CDH12: variants seen among roughly 807,000 people sequenced by gnomAD.
The protein encoded by CDH12 is cadherin-12.
In CDH12, 41 loss-of-function variants were observed where a neutral mutation model predicts 74.1. That is an observed-to-expected ratio of 0.55 (90% CI 0.43 to 0.72). The LOEUF (loss-of-function observed/expected upper bound fraction) is 0.72, where lower values mean the gene tolerates loss of function less well. Among genes scored for constraint, CDH12 ranks in the 30% least tolerant of loss-of-function variants. The pLI is 0.00. For missense variants in CDH12, 945 were observed against 977.2 expected (o/e 0.97, Z 0.44); for synonymous variants, 399 against 355.0 (o/e 1.12, Z -1.39).
chr5:22,199,008 G>A (rs1431287737), intron 4 of CDH12, among the ~76,000 whole-genome samples: 1 of 152,006 alleles, frequency 6.6e-6, no homozygotes, highest in Non-Finnish European at 1.5e-5. Context: ...AAACTACAAT[G>A]TGTTCAAAAG....
chr5:22,678,044 T>TA (rs140824231), intron 1 of CDH12, among the ~76,000 whole-genome samples: 2 of 135,134 alleles, frequency 1.5e-5, no homozygotes, highest in Non-Finnish European at 3.2e-5. Flanking sequence ...ACCATCCTCA[T>TA]GGGGGGGGGG....
At chr5:22,538,050 T>C (rs1737936396) in intron 1 of CDH12, among the ~76,000 whole-genome samples, 1 of 152,158 alleles carries the variant, frequency 6.6e-6, no homozygotes, top group Non-Finnish European at 1.5e-5. Flanking sequence ...CTTTCCCACT[T>C]TCCTCCCTCA....
intron 2 of CDH12, among the ~76,000 whole-genome samples, chr5:22,461,308 G>C (rs565116986): frequency 6.6e-6 from 1 of 151,940 alleles, no homozygotes; most frequent in South Asian, 2.1e-4. Flanking sequence ...GCAGGCCTGA[G>C]GCACCGTACC....
At chr5:22,099,009 C>A (rs1470150497) in intron 4 of CDH12, among the ~76,000 whole-genome samples, 2 of 152,146 alleles carry the variant, frequency 1.3e-5, no homozygotes, top group African/African-American at 4.8e-5. Flanking sequence ...ATTCAGGCCC[C>A]CTCCCTTCCC....
intron 1 of CDH12, among the ~76,000 whole-genome samples, chr5:22,612,491 T>C (rs1477724456): frequency 1.3e-5 from 2 of 152,160 alleles, no homozygotes; most frequent in Non-Finnish European, 2.9e-5. Context: ...TTTCTAAATA[T>C]CTTAATTTTA....
At chr5:21,766,783 A>G (rs1170803364) in intron 11 of CDH12, among the ~76,000 whole-genome samples, 2 of 151,980 alleles carry the variant, frequency 1.3e-5, no homozygotes, top group Non-Finnish European at 2.9e-5. Flanking sequence ...ATACTTTAGA[A>G]TGCTTGCAAT....
At chr5:22,393,619 A>G (rs556313940) in intron 3 of CDH12, among the ~76,000 whole-genome samples, 1 of 151,438 alleles carries the variant, frequency 6.6e-6, no homozygotes, top group South Asian at 2.1e-4. Context: ...GAGAAGCACA[A>G]TAGAAAATTC....
At chr5:22,614,730 C>T (rs1162956253) in intron 1 of CDH12, among the ~76,000 whole-genome samples, 3 of 151,976 alleles carry the variant, frequency 2.0e-5, no homozygotes, top group Non-Finnish European at 2.9e-5. Flanking sequence ...CAGTATTTTC[C>T]CCTTATCCAT....
chr5:22,383,160 C>G (rs143897788), intron 3 of CDH12, among the ~76,000 whole-genome samples: 37 of 152,206 alleles, frequency 2.4e-4, no homozygotes, highest in Middle Eastern at 3.4e-3. Context: ...CTAAATCAAT[C>G]TAATTGCAAA....
At chr5:22,376,603 A>G (rs566568628) in intron 3 of CDH12, among the ~76,000 whole-genome samples, 24 of 151,758 alleles carry the variant, frequency 1.6e-4, no homozygotes, top group African/African-American at 4.6e-4. Flanking sequence ...TAATGCCTCA[A>G]CCTCCTAGGC....
chr5:22,152,279 C>T (rs942011859), intron 4 of CDH12: 7 of 151,974 alleles, frequency 4.6e-5, no homozygotes, highest in African/African-American at 7.3e-5. Flanking sequence ...AAAACTAAAA[C>T]GACTTATTAT....
intron 2 of CDH12, among the ~76,000 whole-genome samples, chr5:22,476,978 C>T (rs1028295339): frequency 2.0e-5 from 3 of 152,114 alleles, no homozygotes; most frequent in Admixed American, 6.6e-5. Flanking sequence ...AAAATCTGCC[C>T]CAAGGCCCAT....
chr5:22,707,016 T>A (rs1743042361), intron 1 of CDH12, among the ~76,000 whole-genome samples: 1 of 152,156 alleles, frequency 6.6e-6, no homozygotes, highest in Non-Finnish European at 1.5e-5. Flanking sequence ...TTTCTGCTGC[T>A]ATCACATTTT....
At chr5:22,712,763 A>AT (rs1176276521) in intron 1 of CDH12, among the ~76,000 whole-genome samples, 1 of 152,176 alleles carries the variant, frequency 6.6e-6, no homozygotes, top group African/African-American at 2.4e-5. Context: ...ATGTCACAAA[A>AT]TGTATAAGAG....
At chr5:22,093,534 T>C (rs892335050) in intron 4 of CDH12, among the ~76,000 whole-genome samples, 3 of 152,216 alleles carry the variant, frequency 2.0e-5, no homozygotes, top group Non-Finnish European at 4.4e-5. Context: ...TTACATATTA[T>C]ATGATTGTTA....
At chr5:21,988,468 G>A (rs1201173052) in intron 5 of CDH12, among the ~76,000 whole-genome samples, 10 of 134,584 alleles carry the variant, frequency 7.4e-5, no homozygotes, top group Non-Finnish European at 1.5e-5. Flanking sequence ...CTCCAGCCTG[G>A]GCGACAGAGC....
intron 6 of CDH12, among the ~76,000 whole-genome samples, chr5:21,950,503 C>A: frequency 6.6e-6 from 1 of 151,262 alleles, no homozygotes; most frequent in South Asian, 2.1e-4. Context: ...ACATAAAAGG[C>A]CTATAGAAAC....
chr5:22,050,487 C>A (rs990716757), intron 5 of CDH12, among the ~76,000 whole-genome samples: 1 of 152,094 alleles, frequency 6.6e-6, no homozygotes, highest in African/African-American at 2.4e-5. Flanking sequence ...ACAAATTTAG[C>A]AATCTACTGG....
At chr5:22,244,189 T>C (rs1287921796) in intron 3 of CDH12, among the ~76,000 whole-genome samples, 3 of 151,960 alleles carry the variant, frequency 2.0e-5, no homozygotes, top group Non-Finnish European at 4.4e-5. Context: ...TAACAAACCA[T>C]AGAAAATAAT....
Sources: allele counts gnomAD v4.1 joint callset (sites outside exome capture counted in the v4.1 genomes callset), GRCh38; gene constraint gnomAD v4.1.1; transcripts MANE v1.5; gene names NCBI Gene and HGNC (gene_info 2026-07-23, HGNC 2026-07-21).